CSGALNACT2: variants seen among roughly 807,000 people sequenced by gnomAD.
CSGALNACT2 encodes the protein chondroitin sulfate N-acetylgalactosaminyltransferase 2.
CSGALNACT2 carries 35 observed loss-of-function variants against 55.3 expected under a neutral mutation model. The observed-to-expected ratio is 0.63, with a 90% CI of 0.48 to 0.84. CSGALNACT2 has a LOEUF of 0.84. CSGALNACT2 is among the 40% of genes least tolerant of loss of function. The pLI, the probability that CSGALNACT2 is intolerant of heterozygous loss-of-function variation, is 0.00. For missense variants in CSGALNACT2, 544 were observed against 657.5 expected, an observed-to-expected ratio of 0.83 and a Z score of 1.89; for synonymous variants, 196 against 224.9, an observed-to-expected ratio of 0.87 and a Z score of 1.15.
chr10:43,165,345 G>T (rs902398317), intron 5 of CSGALNACT2, among the ~76,000 whole-genome samples: 1 of 151,532 alleles, frequency 6.6e-6, no homozygotes, highest in Non-Finnish European at 1.5e-5. Flanking sequence ...TAAGCCAGTA[G>T]TAGCATTAAA....
At chr10:43,146,220 G>A (rs544701121) in intron 1 of CSGALNACT2, among the ~76,000 whole-genome samples, 5 of 152,198 alleles carry the variant, frequency 3.3e-5, no homozygotes, top group Admixed American at 3.3e-4. Flanking sequence ...AGCTAACAGT[G>A]CAGCCTTCAG....
intron 1 of CSGALNACT2, among the ~76,000 whole-genome samples, chr10:43,145,348 A>T (rs1838721273): frequency 6.6e-6 from 1 of 151,386 alleles, no homozygotes; most frequent in Non-Finnish European, 1.5e-5. Context: ...CCTATTGGAA[A>T]GTCCCTAGTT....
At chr10:43,180,096 G>T (rs1356050850) in intron 7 of CSGALNACT2, among the ~76,000 whole-genome samples, 3 of 152,186 alleles carry the variant, frequency 2.0e-5, no homozygotes, top group African/African-American at 7.2e-5. Flanking sequence ...AGGACCCCCA[G>T]TATTCTCAGC....
At chr10:43,145,978 G>T (rs961901072) in intron 1 of CSGALNACT2, among the ~76,000 whole-genome samples, 12 of 152,070 alleles carry the variant, frequency 7.9e-5, no homozygotes, top group African/African-American at 2.9e-4. Flanking sequence ...ACTTGGCCTG[G>T]ACTACATAGC....
intron 1 of CSGALNACT2, among the ~76,000 whole-genome samples, chr10:43,141,945 G>A (rs941893973): frequency 6.6e-6 from 1 of 152,178 alleles, no homozygotes; most frequent in East Asian, 1.9e-4. Context: ...AGAGCTTATG[G>A]AAAGATGTGT....
At chr10:43,162,281 A>T in intron 4 of CSGALNACT2, 2 of 583,668 alleles carry the variant, frequency 3.4e-6, no homozygotes, top group South Asian at 2.7e-5. Flanking sequence ...TCAGAGAGGA[A>T]AGAGCTTTCT....
chr10:43,160,135 C>G (rs1839113161), intron 3 of CSGALNACT2, among the ~76,000 whole-genome samples: 4 of 152,224 alleles, frequency 2.6e-5, no homozygotes, highest in African/African-American at 9.6e-5. Context: ...ATTAGCCAGT[C>G]TGAAGACAAA....
At chr10:43,179,267 A>G (rs1321561746) in intron 7 of CSGALNACT2, among the ~76,000 whole-genome samples, 1 of 147,618 alleles carries the variant, frequency 6.8e-6, no homozygotes, top group East Asian at 2.0e-4. Flanking sequence ...TTTTTTTTTA[A>G]GCGTATGTCA....
chr10:43,164,692 C>T (rs1839223597), intron 5 of CSGALNACT2, among the ~76,000 whole-genome samples: 1 of 151,152 alleles, frequency 6.6e-6, no homozygotes, highest in African/African-American at 2.4e-5. Context: ...ACTAAAAATA[C>T]AAAAATTAGC....
chr10:43,160,779 C>T (rs760525133), intron 4 of CSGALNACT2, among the ~76,000 whole-genome samples, 184 bp downstream of exon 4: 3 of 152,114 alleles, frequency 2.0e-5, no homozygotes, highest in Admixed American at 6.5e-5. Context: ...AACTTCCCTT[C>T]ACTGCTTAGC....
intron 4 of CSGALNACT2, chr10:43,162,360 G>T: frequency 1.7e-6 from 2 of 1,176,658 alleles, no homozygotes; most frequent in Non-Finnish European, 2.3e-6. Flanking sequence ...ACTATGGCCA[G>T]GTTGGGTGGG....
At chr10:43,153,055 T>C (rs1243844402) in intron 1 of CSGALNACT2, among the ~76,000 whole-genome samples, 1 of 152,134 alleles carries the variant, frequency 6.6e-6, no homozygotes, top group Non-Finnish European at 1.5e-5. Flanking sequence ...AGAGAGATGC[T>C]GTAATAGTAA....
intron 1 of CSGALNACT2, among the ~76,000 whole-genome samples, chr10:43,150,075 AT>A (rs1256094792): frequency 2.6e-5 from 4 of 152,228 alleles, no homozygotes; most frequent in Admixed American, 1.3e-4. Context: ...CTCAAAAAAA[AT>A]AATAGTAATA....
chr10:43,139,815 T>C (rs1481547466), intron 1 of CSGALNACT2, among the ~76,000 whole-genome samples: 1 of 152,278 alleles, frequency 6.6e-6, no homozygotes, highest in Admixed American at 6.5e-5. Flanking sequence ...TATTACTGTG[T>C]AATAGTCTAT....
intron 6 of CSGALNACT2, among the ~76,000 whole-genome samples, chr10:43,168,341 C>G (rs1839311347): frequency 6.6e-6 from 1 of 152,084 alleles, no homozygotes; most frequent in Admixed American, 6.5e-5. Context: ...GTCCCACCTA[C>G]TCAGGAGGCT....
chr10:43,165,437 G>A (rs1023448091), intron 5 of CSGALNACT2, among the ~76,000 whole-genome samples: 4 of 151,596 alleles, frequency 2.6e-5, no homozygotes, highest in African/African-American at 7.3e-5. Context: ...TAGTCATTTC[G>A]TAGTGTATGA....
chr10:43,146,697 C>A (rs567568866), intron 1 of CSGALNACT2, among the ~76,000 whole-genome samples: 111 of 150,076 alleles, frequency 7.4e-4, no homozygotes, highest in Admixed American at 2.7e-3. Flanking sequence ...AGAGGCACTG[C>A]GCTACAGCTC....
intron 6 of CSGALNACT2, among the ~76,000 whole-genome samples, 171 bp downstream of exon 6, chr10:43,167,269 A>G (rs1222410841): frequency 6.6e-6 from 1 of 152,190 alleles, no homozygotes; most frequent in Non-Finnish European, 1.5e-5. Flanking sequence ...TTATACCCCC[A>G]ATAAGATGCT....
In CSGALNACT2 at chr10:43,183,831, T is replaced by C. The variant is rs1393060722; in HGVS notation, c.*289T>C. 7.0e-5 allele frequency: 29 copies of C among 411,356 alleles called. No individual in the cohort carries two copies. Among genetic ancestry groups the C allele is most frequent in the South Asian group, 6.8e-4 (29 of 42,754 alleles). The allele number at this position is 411,356 out of a possible 1,614,324, so 25.5% of individuals were successfully genotyped here. On this transcript the variant is annotated 3_prime_UTR_variant, in exon 8 of 8. Coordinates refer to ENST00000374466, the MANE Select transcript of CSGALNACT2 (RefSeq NM_018590.5). ...TTCTACCTGGTGCCCATGTTCTGAT[T>C]GTGTGTGGGATTGCATGGTGTCCTG... is the stretch of plus-strand genomic sequence containing the variant.
Sources: gnomAD v4.1 joint callset for allele counts (sites outside exome capture counted in the v4.1 genomes callset) on GRCh38, gnomAD v4.1.1 for gene constraint, MANE v1.5 for transcripts, NCBI Gene and HGNC (gene_info 2026-07-23, HGNC 2026-07-21) for gene names.